The following CLSTN1 variants were observed in gnomAD, a reference collection of about 807,000 sequenced individuals.
CLSTN1 encodes calsyntenin 1.
In CLSTN1, 28 loss-of-function variants were observed where a neutral mutation model predicts 108.3. The ratio of observed to expected loss-of-function variants is 0.26; its 90% confidence interval spans 0.19 to 0.35. The LOEUF (loss-of-function observed/expected upper bound fraction) is 0.35, where lower values mean the gene tolerates loss of function less well. Ranked by LOEUF, CLSTN1 falls within the 10% of genes least tolerant of loss-of-function variation. CLSTN1 has a pLI of 1.00. For synonymous variants in CLSTN1, 524 were observed against 534.9 expected, an observed-to-expected ratio of 0.98 and a Z score of 0.28; for missense variants, 1,157 against 1,302.6, an observed-to-expected ratio of 0.89 and a Z score of 1.72.
intron 1 of CLSTN1, among the ~76,000 whole-genome samples, chr1:9,815,882 G>A (rs1654949032): frequency 6.6e-6 from 1 of 152,200 alleles, no homozygotes; most frequent in Admixed American, 6.5e-5. Flanking sequence ...GCTGCAGTGA[G>A]CCAAGATAAC....
intron 1 of CLSTN1, among the ~76,000 whole-genome samples, chr1:9,774,948 GCA>G (rs751987924): frequency 6.6e-6 from 1 of 152,136 alleles, no homozygotes; most frequent in Non-Finnish European, 1.5e-5. Flanking sequence ...CCATTTTAGA[GCA>G]CATACAGTAA....
rs1039091915 is a variant in CLSTN1, at chr1:9,799,589, C to A, written c.91+24054G>T. On this transcript the variant is annotated intron_variant, in intron 1 of 18. Transcript: ENST00000377298. ...CCGGGAGGCAGACTATGCAGTGAGC[C>A]GATATCGCGCCACTGCACTCCAGCC... is the stretch of plus-strand genomic sequence containing the variant. 2.0e-5 allele frequency among the ~76,000 whole-genome samples: 3 copies of A among 149,842 alleles called. No individual in the cohort carries two copies. The East Asian group carries it at 5.9e-4, about 30-fold the overall frequency.
rs1271286781 is a variant in CLSTN1 at position 9,730,824 on chromosome 1, C to T, written c.2749-119G>A. 5.2e-6 allele frequency: 5 copies of T among 966,534 alleles called. No homozygotes were observed. The highest frequency in any genetic ancestry group is 2.6e-5 in the East Asian group (1 of 38,026). 59.9% of individuals were successfully genotyped at this position (966,534 alleles called of 1,614,324 possible). A position where few individuals can be genotyped will look rare whatever the true frequency, so the allele number is the denominator to read the frequency against. ...CTTGCCCCAGCGTCTCCCTCCCCAG[C>T]GACAGAGCAGCCAGGACGGCACCGG... On this transcript the variant is annotated intron_variant, in intron 18 of 18. Coordinates refer to ENST00000377298, the MANE Select transcript of CLSTN1 (RefSeq NM_001009566.3). The surrounding 1 kb of genome is among the most constrained non-coding windows in gnomAD (Gnocchi z 5.6).
chr1:9,809,010 G>A (rs1654621166), intron 1 of CLSTN1, among the ~76,000 whole-genome samples: 1 of 152,082 alleles, frequency 6.6e-6, no homozygotes, highest in South Asian at 2.1e-4. Context: ...AGGGGCCCAT[G>A]TTTGTTCTCC....
intron 2 of CLSTN1, among the ~76,000 whole-genome samples, chr1:9,770,523 C>A (rs1025960606): frequency 6.6e-6 from 1 of 152,180 alleles, no homozygotes. Flanking sequence ...TGCCTCTGCA[C>A]CCCCCGACCA....
intron 11 of CLSTN1, among the ~76,000 whole-genome samples, chr1:9,736,727 T>G (rs1650709902): frequency 6.6e-6 from 1 of 152,182 alleles, no homozygotes; most frequent in Admixed American, 6.5e-5. Flanking sequence ...TGTGTCTCAT[T>G]CTGGTACAGA....
At chr1:9,737,268 A>C (rs1030989570) in intron 11 of CLSTN1, among the ~76,000 whole-genome samples, 1 of 150,682 alleles carries the variant, frequency 6.6e-6, no homozygotes, top group African/African-American at 2.5e-5. Flanking sequence ...TGGGGGGGGA[A>C]GTCCCATGCA....
intron 9 of CLSTN1, among the ~76,000 whole-genome samples, chr1:9,742,070 G>A (rs553577484): frequency 3.3e-5 from 5 of 152,310 alleles, no homozygotes; most frequent in African/African-American, 7.2e-5. Context: ...TGTGATGAAC[G>A]AGTGTGTGAA....
chr1:9,730,567 G>C lies in CLSTN1; in HGVS notation c.2887C>G (p.Pro963Ala). The C allele has an allele frequency of 6.2e-7, 1 of 1,608,690 alleles. No individual in the cohort carries two copies. Among genetic ancestry groups the C allele is most frequent in the Non-Finnish European group, 8.5e-7 (1 of 1,179,954 alleles). ...SEEEEGEQGD[P>A]QNATRQQQLE... ...TGCTGCTGCCGGGTTGCGTTCTGGGGGTCGCCCTGCTCCCCCTCCTCCTCC... is the reference window on the plus strand; with the variant it reads ...TGCTGCTGCCGGGTTGCGTTCTGGGCGTCGCCCTGCTCCCCCTCCTCCTCC... Residue 963 changes from proline to alanine, a missense_variant, in exon 19 of 19, where the codon CCC (proline) becomes GCC (alanine). By Grantham distance (27) the Pro-to-Ala change is conservative. Transcript: ENST00000377298. This position sits in a 1 kb window ranked among gnomAD's most constrained non-coding sequence, Gnocchi z 5.6.
At chr1:9,794,174 G>GT (rs1653888664) in intron 1 of CLSTN1, among the ~76,000 whole-genome samples, 1 of 151,538 alleles carries the variant, frequency 6.6e-6, no homozygotes, top group East Asian at 2.0e-4. Flanking sequence ...GGAGGAACAC[G>GT]TTTTCAGAAC....
chr1:9,824,121 C>CGCGCGCGGCGGACCCGGCAGCGG (rs1655316118), upstream of CLSTN1: 1 of 145,330 alleles, frequency 6.9e-6, no homozygotes, highest in African/African-American at 2.5e-5. This position sits in a 1 kb window ranked among gnomAD's most constrained non-coding sequence, Gnocchi z 5.0. Context: ...GCGGAGGGAG[C>CGCGCGCGGCGGACCCGGCAGCGG]GCGCGCGGCG....
At chr1:9,738,511 A>G (rs2101084749) in intron 10 of CLSTN1, among the ~76,000 whole-genome samples, 1 of 152,310 alleles carries the variant, frequency 6.6e-6, no homozygotes. Flanking sequence ...CTCCCCCACA[A>G]CACGCTGGTA....
chr1:9,772,062 C>T (rs1229011751), intron 2 of CLSTN1, among the ~76,000 whole-genome samples: 5 of 150,164 alleles, frequency 3.3e-5, no homozygotes, highest in African/African-American at 1.2e-4. Flanking sequence ...CTGCAAGCTC[C>T]GCCTCCTGGG....
intron 1 of CLSTN1, among the ~76,000 whole-genome samples, chr1:9,778,250 AC>A (rs1653052958): frequency 6.6e-6 from 1 of 151,704 alleles, no homozygotes; most frequent in African/African-American, 2.4e-5. Flanking sequence ...ACACACACAC[AC>A]ACACACACAC....
chr1:9,819,686 G>C lies in CLSTN1; in HGVS notation c.91+3957C>G, dbSNP rs75099145. Among the ~76,000 whole-genome samples the C allele has an allele frequency of 8.5e-3, 1,301 of 152,194 alleles. 19 individuals carry two copies. Among genetic ancestry groups the C allele is most frequent in the East Asian group, 0.044 (226 of 5,176 alleles). On this transcript the variant is annotated intron_variant, in intron 1 of 18. Coordinates refer to ENST00000377298, the MANE Select transcript of CLSTN1 (RefSeq NM_001009566.3). Reference sequence around the variant, plus strand: ...CTAACTGAAGGTTCCAGTTAACCGAGTGAATGCTCTAAAATTGGAATATAT... The same window carrying C: ...CTAACTGAAGGTTCCAGTTAACCGACTGAATGCTCTAAAATTGGAATATAT...
chr1:9,767,897 G>A (rs577457609), intron 2 of CLSTN1, among the ~76,000 whole-genome samples: 1 of 152,234 alleles, frequency 6.6e-6, no homozygotes, highest in East Asian at 1.9e-4. Flanking sequence ...AACAGCAGCG[G>A]CAAATACTGT....
chr1:9,821,481 A>G (rs1317433363), intron 1 of CLSTN1, among the ~76,000 whole-genome samples: 1 of 152,242 alleles, frequency 6.6e-6, no homozygotes, highest in African/African-American at 2.4e-5. Flanking sequence ...ATAAAATTTG[A>G]GGGTCTCTAC....
At chr1:9,775,885 A>AG (rs1189557248) in intron 1 of CLSTN1, among the ~76,000 whole-genome samples, 7 of 151,918 alleles carry the variant, frequency 4.6e-5, no homozygotes, top group South Asian at 2.1e-4. Context: ...GCACCCAGGG[A>AG]GGGGGGTCAC....
chr1:9,803,703 C>T (rs908286026), intron 1 of CLSTN1, among the ~76,000 whole-genome samples: 8 of 151,344 alleles, frequency 5.3e-5, no homozygotes, highest in Non-Finnish European at 1.0e-4. Flanking sequence ...CTTGGGAGGC[C>T]GAGGCACAAG....
Sources: gnomAD v4.1 joint callset for allele counts (sites outside exome capture counted in the v4.1 genomes callset) on GRCh38, gnomAD v4.1.1 for gene constraint, Gnocchi (gnomAD v3.1) non-coding constraint, MANE v1.5 for transcripts, NCBI Gene and HGNC (gene_info 2026-07-23, HGNC 2026-07-21) for gene names.